The following CCDC18 variants were observed in gnomAD, a reference collection of about 807,000 sequenced individuals.
CCDC18 encodes coiled-coil domain-containing protein 18.
In CCDC18, 157 loss-of-function variants were observed where a neutral mutation model predicts 196.0. The observed-to-expected ratio is 0.80, with a 90% CI of 0.70 to 0.91. CCDC18 has a LOEUF of 0.91. Ranked by LOEUF, CCDC18 falls within the 40% of genes least tolerant of loss-of-function variation. The pLI is 0.00. For synonymous variants in CCDC18, 482 were observed against 529.2 expected (o/e 0.91, Z 1.22); for missense variants, 1,465 against 1,611.6 (o/e 0.91, Z 1.56).
rs556992099 is a variant in CCDC18, at chr1:93,209,718, CAT to C, written c.1210-1080_1210-1079del. On this transcript the variant is annotated intron_variant, in intron 9 of 28. Transcript: ENST00000690025. ...TTTGCTTTTGAAATTAGAAAGTAAT[CAT>C]ATACAGATAACAATTTTAATTTGGC... Among the ~76,000 whole-genome samples, 97 of 152,276 alleles carry C rather than the reference CAT, an allele frequency of 6.4e-4. 1 individual carries two copies. Among genetic ancestry groups the C allele is most frequent in the African/African-American group, 1.8e-3 (74 of 41,544 alleles).
At chr1:93,207,482 T>C in intron 9 of CCDC18, 84 bp downstream of exon 9, 1 of 968,008 alleles carries the variant, frequency 1.0e-6, no homozygotes, top group Non-Finnish European at 1.5e-6. Context: ...GTTGCTTTAT[T>C]AGCTTCTAAT....
chr1:93,254,148 T>G (rs1337185126), intron 23 of CCDC18, among the ~76,000 whole-genome samples: 1 of 152,192 alleles, frequency 6.6e-6, no homozygotes, highest in Non-Finnish European at 1.5e-5. Context: ...CTACTTTTAT[T>G]TATTTTAATT....
At chr1:93,232,666 G>A (rs373906456) in intron 18 of CCDC18, 73 bp downstream of exon 18, 32 of 1,210,634 alleles carry the variant, frequency 2.6e-5, no homozygotes, top group East Asian at 5.1e-5. Flanking sequence ...TAGATTTTTC[G>A]TTAGTTTTTT....
chr1:93,253,124 A>C (rs1374339583), intron 23 of CCDC18, among the ~76,000 whole-genome samples: 5 of 152,184 alleles, frequency 3.3e-5, no homozygotes, highest in Non-Finnish European at 1.5e-5. Context: ...TGAAGAGCCC[A>C]GTCTCAGCTT....
Position 93,186,387 on chromosome 1 carries a change from C to A in CCDC18, c.346C>A (p.Leu116Ile), listed in dbSNP as rs756361349. Residue 116 changes from leucine to isoleucine, a missense_variant, in exon 4 of 29, where the codon CTT (leucine) becomes ATT (isoleucine). By Grantham distance (5) the Leu-to-Ile change is conservative. Coordinates refer to ENST00000690025, the MANE Select transcript of CCDC18 (RefSeq NM_001378204.1). The part of the protein sequence containing the change: ...SAPVDQEIKS[L>I]REKLNKLRQQ... Reference sequence around the variant, plus strand: ...CCCTGTGGATCAGGAGATTAAAAGCCTTCGAGAGAAACTAAATAAACTTAG... The same window carrying A: ...CCCTGTGGATCAGGAGATTAAAAGCATTCGAGAGAAACTAAATAAACTTAG... The A allele has an allele frequency of 6.2e-7, 1 of 1,612,048 alleles. No individual in the cohort carries two copies. The highest frequency in any genetic ancestry group is 8.5e-7 in the Non-Finnish European group (1 of 1,178,814).
At chr1:93,228,629 C>G (rs1658773595) in intron 17 of CCDC18, among the ~76,000 whole-genome samples, 1 of 151,194 alleles carries the variant, frequency 6.6e-6, no homozygotes, top group Admixed American at 6.6e-5. Flanking sequence ...TACATAGAAA[C>G]TAAATCATCT....
At chr1:93,255,112 C>G (rs1570590902) in intron 24 of CCDC18, among the ~76,000 whole-genome samples, 1 of 151,836 alleles carries the variant, frequency 6.6e-6, no homozygotes, top group East Asian at 1.9e-4. Flanking sequence ...GCCACCACGC[C>G]TGGCTAATTT....
intron 16 of CCDC18, among the ~76,000 whole-genome samples, chr1:93,225,841 AT>A (rs1658195143): frequency 6.6e-6 from 1 of 151,742 alleles, no homozygotes. Flanking sequence ...TCACTTTCCT[AT>A]TTTTCTTATT....
At chr1:93,260,758 T>TC (rs1193274530) in intron 26 of CCDC18, among the ~76,000 whole-genome samples, 1 of 152,160 alleles carries the variant, frequency 6.6e-6, no homozygotes, top group Non-Finnish European at 1.5e-5. Context: ...CCTAATGTTA[T>TC]CCCTCCTCTA....
intron 18 of CCDC18, among the ~76,000 whole-genome samples, chr1:93,233,486 C>A (rs1659557391): frequency 6.6e-6 from 1 of 152,094 alleles, no homozygotes. Flanking sequence ...ACTGTATTTT[C>A]CTTTTTTGTC....
chr1:93,226,651 A>G (rs1281867136), intron 17 of CCDC18, among the ~76,000 whole-genome samples: 2 of 151,888 alleles, frequency 1.3e-5, no homozygotes, highest in African/African-American at 4.8e-5. Flanking sequence ...CTTGTGCCTC[A>G]GCCTCCTGTG....
chr1:93,256,496 C>T lies in CCDC18; in HGVS notation c.3504C>T (p.Leu1168=). 1 of 1,613,962 alleles carries T rather than the reference C, an allele frequency of 6.2e-7. No individual in the cohort carries two copies. The highest frequency in any genetic ancestry group is 8.5e-7 in the Non-Finnish European group (1 of 1,179,956). Residue 1168 remains leucine, a synonymous_variant, in exon 25 of 29, where the codon CTC becomes CTT. Coordinates refer to ENST00000690025, the MANE Select transcript of CCDC18 (RefSeq NM_001378204.1). ...QVQAQREIER[L]SSELEDMKQL... ...AAGCACAGAGAGAAATAGAAAGGCTCTCTAGTGAACTGGAGGATATGAAGC... is the reference window on the plus strand; with the variant it reads ...AAGCACAGAGAGAAATAGAAAGGCTTTCTAGTGAACTGGAGGATATGAAGC...
intron 16 of CCDC18, 31 bp from the exon 17 acceptor site, chr1:93,226,302 T>TG: frequency 1.1e-6 from 1 of 901,276 alleles, no homozygotes; most frequent in Non-Finnish European, 1.7e-6. Flanking sequence ...TTTTGTGTTT[T>TG]TTTTTTTTTT....
In CCDC18 at chr1:93,183,438, G is replaced by A; in HGVS notation, c.77G>A (p.Arg26Lys). 1 of 1,608,242 alleles carries A rather than the reference G, an allele frequency of 6.2e-7. No individual in the cohort carries two copies. Among genetic ancestry groups the A allele is most frequent in the Non-Finnish European group, 8.5e-7 (1 of 1,176,768 alleles). ...TTGCTTGCAAATGTTGCTTCCTTAAGACATGAACTGAAGATAACAGAATGG... is the reference window on the plus strand; with the variant it reads ...TTGCTTGCAAATGTTGCTTCCTTAAAACATGAACTGAAGATAACAGAATGG... ...ESLLANVASL[R>K]HELKITEWSL... Residue 26 changes from arginine to lysine, a missense_variant, in exon 2 of 29, where the codon AGA becomes AAA. Physicochemically the swap from Arg to Lys is conservative, Grantham distance 26. Coordinates refer to ENST00000690025, the MANE Select transcript of CCDC18 (RefSeq NM_001378204.1).
chr1:93,227,517 A>C (rs1402339738), intron 17 of CCDC18, among the ~76,000 whole-genome samples: 1 of 152,124 alleles, frequency 6.6e-6, no homozygotes, highest in Non-Finnish European at 1.5e-5. Flanking sequence ...CTCAATTTGT[A>C]GCACTTTACT....
intron 20 of CCDC18, 25 bp from the exon 21 acceptor site, chr1:93,239,658 T>C (rs766890223): frequency 6.7e-7 from 1 of 1,502,020 alleles, no homozygotes; most frequent in Non-Finnish European, 9.2e-7. Context: ...CATATAGTTA[T>C]AAAATTATTC....
At chr1:93,201,846 G>A (rs1346421639) in intron 6 of CCDC18, 46 bp from the exon 7 acceptor site, 2 of 1,220,888 alleles carry the variant, frequency 1.6e-6, no homozygotes, top group Non-Finnish European at 2.3e-6. Flanking sequence ...CTCTTCAAAT[G>A]CAGAGCATTC....
intron 21 of CCDC18, among the ~76,000 whole-genome samples, chr1:93,240,756 C>T (rs1660658266): frequency 6.6e-6 from 1 of 152,148 alleles, no homozygotes; most frequent in Admixed American, 6.5e-5. Context: ...CAATATCCAA[C>T]TAGTTGTTAC....
upstream of CCDC18, chr1:93,180,458 C>A: frequency 7.1e-7 from 1 of 1,404,142 alleles, no homozygotes; most frequent in South Asian, 1.3e-5. Context: ...TATTCCGCAA[C>A]CGCCTCAGTC....
Sources: allele counts gnomAD v4.1 joint callset (sites outside exome capture counted in the v4.1 genomes callset), GRCh38; gene constraint gnomAD v4.1.1; transcripts MANE v1.5; gene names NCBI Gene and HGNC (gene_info 2026-07-23, HGNC 2026-07-21).